PLCD1: variants seen among roughly 807,000 people sequenced by gnomAD.
PLCD1 encodes the protein 1-phosphatidylinositol 4,5-bisphosphate phosphodiesterase delta-1.
A neutral mutation model predicts 87.4 loss-of-function variants in PLCD1; 71 were observed. That is an observed-to-expected ratio of 0.81 (90% CI 0.67 to 0.99). The LOEUF is 0.99. Ranked by LOEUF, PLCD1 falls within the 50% of genes least tolerant of loss-of-function variation. The pLI is 0.00. For synonymous variants in PLCD1, 348 were observed against 399.2 expected (o/e 0.87, Z 1.53); for missense variants, 867 against 1,001.5 (o/e 0.87, Z 1.81).
In PLCD1 at chr3:38,008,326, C is replaced by CTT. The variant is rs1559370246; in HGVS notation, c.1942_1943dup (p.Asn649ArgfsTer9). ...TCACTTTGGGGTCCACAATTGAATT[C>CTT]TTATTCTTGTTGACTTTTGGCAGCT... On this transcript the variant is annotated frameshift_variant, in exon 13 of 15. Coordinates refer to ENST00000334661, the MANE Select transcript of PLCD1 (RefSeq NM_006225.4). LOFTEE classifies it high-confidence loss of function. 10 of 1,614,082 alleles carry CTT rather than the reference C, an allele frequency of 6.2e-6. No individual in the cohort carries two copies. The highest frequency in any genetic ancestry group is 1.7e-5 in the Admixed American group (1 of 59,976).
In PLCD1 at chr3:38,007,778, C is replaced by A. The variant is rs759136247; in HGVS notation, c.2266G>T (p.Asp756Tyr). The A allele has an allele frequency of 8.7e-6, 14 of 1,612,336 alleles. No homozygotes were observed. Among genetic ancestry groups the A allele is most frequent in the Non-Finnish European group, 1.1e-5 (13 of 1,178,324 alleles). The stretch of plus-strand genomic sequence containing the variant: ...CCCCACTGGCTTCCTCCAGCCTAGT[C>A]CTGGAGGGAGATCTTCACAAAGAGG... ...ATLFVKISLQ[D>Y] Residue 756 changes from aspartate to tyrosine, a missense_variant, in exon 15 of 15, where the codon GAC (aspartate) becomes TAC (tyrosine). By Grantham distance (160) the Asp-to-Tyr change is radical (BLOSUM62 -3). Coordinates refer to ENST00000334661, the MANE Select transcript of PLCD1 (RefSeq NM_006225.4).
At chr3:38,011,006 A>T (rs1700063821) in intron 5 of PLCD1, among the ~76,000 whole-genome samples, 1 of 152,202 alleles carries the variant, frequency 6.6e-6, no homozygotes, top group Non-Finnish European at 1.5e-5. Context: ...CAAGAGGGAA[A>T]CAGGACCAGA....
In PLCD1 at chr3:38,008,237, T is replaced by A; in HGVS notation, c.2033A>T (p.Asn678Ile). 6.2e-7 allele frequency: 1 copy of A among 1,613,978 alleles called. No individual in the cohort carries two copies. ...CCCAGCCCAGGCCCAGCACCTACCA[T>A]TGTTGGTGATGACAGCAGTCTGGCG... ...ASRQTAVITN[N>I]GFNPWWDTEF... is the part of the protein sequence containing the mutation. The change falls in exon 13 of 15, where the codon AAT (asparagine) becomes ATT (isoleucine). Residue 678 changes from asparagine to isoleucine, a missense_variant and splice_region_variant. By Grantham distance (149) the Asn-to-Ile change is moderately radical. Coordinates refer to ENST00000334661, the MANE Select transcript of PLCD1 (RefSeq NM_006225.4).
intron 1 of PLCD1, chr3:38,024,620 G>A (rs1013166633): frequency 3.8e-5 from 58 of 1,517,354 alleles, no homozygotes; most frequent in African/African-American, 5.5e-5. Context: ...GCACTTCGGA[G>A]GGGCGGGACG....
chr3:38,027,506 G>A (rs1458626547), intron 1 of PLCD1, among the ~76,000 whole-genome samples: 2 of 152,240 alleles, frequency 1.3e-5, no homozygotes, highest in Non-Finnish European at 2.9e-5. Context: ...CAGGTACTTT[G>A]CTTTCAGAAT....
chr3:38,009,972 C>T lies in PLCD1; in HGVS notation c.1219G>A (p.Ala407Thr). Residue 407 changes from alanine (A) to threonine (T), a missense_variant, in exon 8 of 15, where the codon GCC (alanine) becomes ACC (threonine). By Grantham distance (58) the Ala-to-Thr change is moderately conservative (BLOSUM62 0). Coordinates refer to ENST00000334661, the MANE Select transcript of PLCD1 (RefSeq NM_006225.4). The stretch of plus-strand genomic sequence containing the variant: ...TTCAACAGCATGGGGCCCAGGATGG[C>T]ATGCAGGTGCCGCGCCATCACGCGC... ...QQRVMARHLH[A>T]ILGPMLLNRP... The T allele has an allele frequency of 1.9e-6, 3 of 1,613,972 alleles. No individual in the cohort carries two copies. The highest frequency in any genetic ancestry group is 2.5e-6 in the Non-Finnish European group (3 of 1,179,856).
intron 2 of PLCD1, among the ~76,000 whole-genome samples, chr3:38,019,754 G>T (rs988989443): frequency 6.6e-6 from 1 of 152,054 alleles, no homozygotes; most frequent in Non-Finnish European, 1.5e-5. Context: ...TCCCAGGGAG[G>T]AGCTGCCTCC....
In PLCD1 at chr3:38,008,469, G is replaced by A. The variant is rs1250267597; in HGVS notation, c.1891C>T (p.Leu631Phe). 4.3e-6 allele frequency: 7 copies of A among 1,614,200 alleles called. No homozygotes were observed. Among genetic ancestry groups the A allele is most frequent in the Non-Finnish European group, 4.2e-6 (5 of 1,180,014 alleles). The change falls in exon 12 of 15, where the codon CTC (leucine) becomes TTC (phenylalanine). Residue 631 changes from leucine to phenylalanine, a missense_variant. Leu to Phe is a conservative substitution (Grantham distance 22, BLOSUM62 0). Coordinates refer to ENST00000334661, the MANE Select transcript of PLCD1 (RefSeq NM_006225.4). ...TAGGTCCAGCGTACCCTGATGTTGA[G>A]CCGCTTCCGTGCCCACCAGGGCCCC... The part of the protein sequence containing the change: ...AQGPWWARKR[L>F]NIRVISGQQL...
rs1488734625 is a variant in PLCD1, at chr3:38,016,555, C to A, written c.364G>T (p.Val122Leu). 2 of 1,614,056 alleles carry A rather than the reference C, an allele frequency of 1.2e-6. No homozygotes were observed. The highest frequency in any genetic ancestry group is 2.2e-5 in the South Asian group (2 of 91,068). ...APSPADAQHW[V>L]LGLHKIIHHS... ...TGGATGATCTTGTGCAGCCCCAGCA[C>A]CCAGTGCTGGGCATCAGCTGGCGAT... The change falls in exon 3 of 15, where the codon GTG becomes TTG. Residue 122 changes from valine (V) to leucine (L), a missense_variant. Transcript: ENST00000334661.
chr3:38,023,921 T>TG (rs1468887126), intron 1 of PLCD1, among the ~76,000 whole-genome samples: 2 of 147,832 alleles, frequency 1.4e-5, no homozygotes, highest in Non-Finnish European at 3.0e-5. Context: ...CAGTCGGCAC[T>TG]GGGTCCCATA....
chr3:38,009,957 T>C lies in PLCD1; in HGVS notation c.1234A>G (p.Met412Val). Residue 412 changes from methionine (M) to valine (V), a missense_variant, in exon 8 of 15, where the codon ATG (methionine) becomes GTG (valine). Met to Val is a conservative substitution (Grantham distance 21). Coordinates refer to ENST00000334661, the MANE Select transcript of PLCD1 (RefSeq NM_006225.4). The stretch of plus-strand genomic sequence containing the variant: ...CCATCCAGTGGTCGGTTCAACAGCA[T>C]GGGGCCCAGGATGGCATGCAGGTGC... The part of the protein sequence containing the change: ...ARHLHAILGP[M>V]LLNRPLDGVT... 1 of 1,613,600 alleles carries C rather than the reference T, an allele frequency of 6.2e-7. No homozygotes were observed. Among genetic ancestry groups the C allele is most frequent in the Non-Finnish European group, 8.5e-7 (1 of 1,179,698 alleles).
intron 11 of PLCD1, 65 bp downstream of exon 11, chr3:38,008,977 C>A (rs919797183): frequency 2.2e-6 from 3 of 1,356,554 alleles, no homozygotes; most frequent in Non-Finnish European, 3.2e-6. Context: ...CTTCGAGGCT[C>A]CAGGCCCCCG....
At chr3:38,007,897 T>C in intron 14 of PLCD1, 39 bp from the exon 15 acceptor site, 1 of 1,608,766 alleles carries the variant, frequency 6.2e-7, no homozygotes, top group Non-Finnish European at 8.5e-7. Context: ...CAGAGAGAGT[T>C]CTGGTCATTC....
intron 1 of PLCD1, chr3:38,024,721 G>A (rs968988740): frequency 2.8e-6 from 4 of 1,437,234 alleles, no homozygotes; most frequent in Admixed American, 4.5e-5. Context: ...AAGGTGAGGC[G>A]AGAGCGAAAC....
chr3:38,011,698 C>G (rs938372688), intron 3 of PLCD1, 25 bp from the exon 4 acceptor site: 2 of 1,613,806 alleles, frequency 1.2e-6, no homozygotes, highest in Non-Finnish European at 8.5e-7. Flanking sequence ...AGGAAAGAAC[C>G]CAGGAACCCT....
In PLCD1 at chr3:38,017,075, C is replaced by T. The variant is rs1342740836; in HGVS notation, c.200-356G>A. On this transcript the variant is annotated intron_variant, in intron 2 of 14. Transcript: ENST00000334661. The surrounding 1 kb of genome is among the most constrained non-coding windows in gnomAD (Gnocchi z 4.7). ...CTCTCGGTGATGGGGGGTGCAGGGCCCCAGGGAGAGGACTGGAGCAGGGCA... is the reference window on the plus strand; with the variant it reads ...CTCTCGGTGATGGGGGGTGCAGGGCTCCAGGGAGAGGACTGGAGCAGGGCA... Among the ~76,000 whole-genome samples the T allele has an allele frequency of 6.6e-6, 1 of 151,800 alleles. No individual in the cohort carries two copies. Among genetic ancestry groups the T allele is most frequent in the Admixed American group, 6.6e-5 (1 of 15,238 alleles).
intron 8 of PLCD1, 34 bp from the exon 9 acceptor site, chr3:38,009,845 C>A (rs763980107): frequency 6.2e-7 from 1 of 1,612,798 alleles, no homozygotes; most frequent in South Asian, 1.1e-5. Context: ...CAAGACACAC[C>A]TAGCGCCCCG....
In PLCD1 at chr3:38,011,618, A is replaced by C; in HGVS notation, c.484T>G (p.Phe162Val). 6.2e-7 allele frequency: 1 copy of C among 1,614,172 alleles called. No individual in the cohort carries two copies. The highest frequency in any genetic ancestry group is 1.3e-5 in the African/African-American group (1 of 75,050). The change falls in exon 4 of 15, where the codon TTC (phenylalanine) becomes GTC (valine). Residue 162 changes from phenylalanine to valine, a missense_variant. Physicochemically the swap from Phe to Val is conservative, Grantham distance 50. Transcript: ENST00000334661. ...TTCAGGAAGTTCTGCAGCTCCTTGA[A>C]GCTCATCTTGTTGTCCTTGTTTTTG... ...ADKNKDNKMS[F>V]KELQNFLKEL...
chr3:38,010,289 G>C lies in PLCD1; in HGVS notation c.993-14C>G. On this transcript the variant is annotated splice_polypyrimidine_tract_variant and intron_variant, in intron 6 of 14. Transcript: ENST00000334661. The stretch of plus-strand genomic sequence containing the variant: ...TTGCACAGTGCCCTGCGGGGAGGGT[G>C]GTGGCTAGGACCCTCCAGGTCCTGT... 1 of 1,614,212 alleles carries C rather than the reference G, an allele frequency of 6.2e-7. No individual in the cohort carries two copies. Among genetic ancestry groups the C allele is most frequent in the Non-Finnish European group, 8.5e-7 (1 of 1,180,020 alleles).
Sources: allele counts gnomAD v4.1 joint callset (sites outside exome capture counted in the v4.1 genomes callset), GRCh38; gene constraint gnomAD v4.1.1; non-coding constraint Gnocchi (gnomAD v3.1); transcripts MANE v1.5; gene names NCBI Gene and HGNC (gene_info 2026-07-23, HGNC 2026-07-21).